The following SDC4 variants were observed in gnomAD, a reference collection of about 807,000 sequenced individuals.
The protein encoded by SDC4 is syndecan 4.
In SDC4, 17 loss-of-function variants were observed where a neutral mutation model predicts 20.5. That is an observed-to-expected ratio of 0.83 (90% CI 0.57 to 1.25). SDC4 has a LOEUF of 1.25. Ranked by LOEUF, SDC4 falls within the 50% of genes most tolerant of loss-of-function variation. The pLI is 0.00. For missense variants in SDC4, 241 were observed against 252.3 expected, an observed-to-expected ratio of 0.96 and a Z score of 0.30; for synonymous variants, 107 against 105.3, an observed-to-expected ratio of 1.02 and a Z score of -0.10.
intron 1 of SDC4, among the ~76,000 whole-genome samples, chr20:45,342,175 CAGAGT>C (rs771732598): frequency 2.6e-5 from 4 of 152,174 alleles, no homozygotes; most frequent in Admixed American, 1.3e-4. Flanking sequence ...GTTCTCAGAG[CAGAGT>C]AGAGAGCCCA....
chr20:45,334,866 T>TC (rs1200210571), intron 2 of SDC4, among the ~76,000 whole-genome samples: 1 of 152,164 alleles, frequency 6.6e-6, no homozygotes, highest in Non-Finnish European at 1.5e-5. Flanking sequence ...GTCAGTTCAG[T>TC]CCCCACAACA....
chr20:45,339,153 C>T (rs1987918262), intron 1 of SDC4, among the ~76,000 whole-genome samples: 1 of 152,244 alleles, frequency 6.6e-6, no homozygotes, highest in Non-Finnish European at 1.5e-5. Flanking sequence ...TGGGCAATCA[C>T]TCTTTTTTGT....
chr20:45,336,062 T>C, intron 1 of SDC4, 142 bp from the exon 2 acceptor site: 1 of 751,536 alleles, frequency 1.3e-6, no homozygotes, highest in Non-Finnish European at 2.1e-6. Context: ...GATCCCACTC[T>C]ACCTCTAACT....
chr20:45,333,093 G>C, intron 2 of SDC4, 24 bp from the exon 3 acceptor site: 1 of 1,612,944 alleles, frequency 6.2e-7, no homozygotes, highest in Non-Finnish European at 8.5e-7. Flanking sequence ...ATAGCTGTGT[G>C]AGTGAGGTCC....
rs148223620 is a variant in SDC4, at chr20:45,328,644, G to A, written c.446-1229C>T. 2.6e-5 allele frequency among the ~76,000 whole-genome samples: 4 copies of A among 152,216 alleles called. No homozygotes were observed. The East Asian group carries it at 7.7e-4, about 29-fold the overall frequency. On this transcript the variant is annotated intron_variant, in intron 4 of 4. Transcript: ENST00000372733. ...ACTCATTCCTGTTTGCTAGGGGCAG[G>A]GATGCTTCATAGAATCCCTTCTGTG...
intron 1 of SDC4, among the ~76,000 whole-genome samples, chr20:45,339,368 C>T (rs2741460): frequency 6.6e-6 from 1 of 152,234 alleles, no homozygotes; most frequent in Non-Finnish European, 1.5e-5. Context: ...CATGTGTGTT[C>T]GTGTGTATAC....
chr20:45,327,444 G>A (rs947684994), intron 4 of SDC4, 29 bp from the exon 5 acceptor site: 1 of 1,604,522 alleles, frequency 6.2e-7, no homozygotes, highest in African/African-American at 1.3e-5. Context: ...AAGAGGCGGG[G>A]GTGAGAGCTC....
intron 1 of SDC4, among the ~76,000 whole-genome samples, chr20:45,339,241 C>G (rs1987920035): frequency 6.6e-6 from 1 of 152,216 alleles, no homozygotes; most frequent in African/African-American, 2.4e-5. Flanking sequence ...TCTGGGGTGA[C>G]TTTGAAGAAC....
At position 45,329,105 on chromosome 20, in the gene SDC4, A is replaced by C. The variant is rs569927338; in HGVS notation, c.445+1261T>G. ...GGACTCAATCAGGGGCACAGGAATC[A>C]TACAGCATACAGCAAGCATTTAATA... On this transcript the variant is annotated intron_variant, in intron 4 of 4. Transcript: ENST00000372733. Among the ~76,000 whole-genome samples the C allele has an allele frequency of 3.3e-5, 5 of 152,366 alleles. No homozygotes were observed. In the South Asian group the frequency reaches 1.0e-3, roughly 32 times the overall value.
At chr20:45,339,931 G>C (rs1987931043) in intron 1 of SDC4, among the ~76,000 whole-genome samples, 1 of 152,168 alleles carries the variant, frequency 6.6e-6, no homozygotes, top group East Asian at 1.9e-4. Flanking sequence ...GAAGGTATCT[G>C]ATTTTATAAC....
rs562451678 is a variant in SDC4, at chr20:45,333,562, G to A, written c.200-493C>T. On this transcript the variant is annotated intron_variant, in intron 2 of 4. Coordinates refer to ENST00000372733, the MANE Select transcript of SDC4 (RefSeq NM_002999.4). ...CACGCGCCTGTAATCCCAGCTACTT[G>A]GGAGGCTGAGGCAGGAGAATCACTT... 1.8e-4 allele frequency among the ~76,000 whole-genome samples: 27 copies of A among 152,298 alleles called. 1 individual carries two copies. In the East Asian group the frequency reaches 5.2e-3, roughly 29 times the overall value.
chr20:45,332,876 C>T (rs1433619968), intron 3 of SDC4, 147 bp downstream of exon 3: 10 of 731,258 alleles, frequency 1.4e-5, no homozygotes, highest in Non-Finnish European at 1.8e-5. Flanking sequence ...CATGCCCACC[C>T]CAGGGCCAGA....
At chr20:45,338,062 G>A (rs1368608374) in intron 1 of SDC4, among the ~76,000 whole-genome samples, 1 of 152,202 alleles carries the variant, frequency 6.6e-6, no homozygotes, top group Non-Finnish European at 1.5e-5. Flanking sequence ...TAAGGGCAGG[G>A]TCCCTGTGCT....
chr20:45,337,092 A>T (rs942243161), intron 1 of SDC4, among the ~76,000 whole-genome samples: 4 of 152,156 alleles, frequency 2.6e-5, no homozygotes, highest in Non-Finnish European at 5.9e-5. Context: ...GGGCAGCCCT[A>T]CAGTACATCA....
intron 1 of SDC4, among the ~76,000 whole-genome samples, chr20:45,341,617 G>C (rs912793661): frequency 2.0e-5 from 3 of 152,178 alleles, no homozygotes; most frequent in Non-Finnish European, 4.4e-5. Context: ...CTGGTGCTCT[G>C]GTGCCTGAAT....
chr20:45,345,979 C>T (rs1284142893), intron 1 of SDC4, among the ~76,000 whole-genome samples: 3 of 152,118 alleles, frequency 2.0e-5, no homozygotes, highest in African/African-American at 7.2e-5. Flanking sequence ...TCCTGGGGTC[C>T]TGGATGCCCT....
chr20:45,333,505 C>A (rs1192920310), intron 2 of SDC4, among the ~76,000 whole-genome samples: 1 of 152,156 alleles, frequency 6.6e-6, no homozygotes, highest in African/African-American at 2.4e-5. Context: ...CCCGTCTCTG[C>A]TGAAAATACA....
In SDC4 at chr20:45,327,197, G is replaced by A. The variant is rs902594096; in HGVS notation, c.*67C>T. The A allele has an allele frequency of 6.3e-7, 1 of 1,577,462 alleles. No homozygotes were observed. The highest frequency in any genetic ancestry group is 8.7e-7 in the Non-Finnish European group (1 of 1,150,118). On this transcript the variant is annotated 3_prime_UTR_variant, in exon 5 of 5. Transcript: ENST00000372733. ...TAGGTTGACCTCACCCTACCCTAAT[G>A]TCCACCCTTCAAAATCCCCTGGCTT...
rs536343800 is a variant in SDC4, at chr20:45,334,317, A to T, written c.200-1248T>A. On this transcript the variant is annotated intron_variant, in intron 2 of 4. Coordinates refer to ENST00000372733, the MANE Select transcript of SDC4 (RefSeq NM_002999.4). ...CGGCCAAAATCTACATTTTAACAAG[A>T]TCCCCAGGGAATTAACTTTTGAGAA... is the stretch of plus-strand genomic sequence containing the variant. 3.3e-5 allele frequency among the ~76,000 whole-genome samples: 5 copies of T among 151,904 alleles called. No homozygotes were observed. In the East Asian group the frequency reaches 9.7e-4, roughly 29 times the overall value.
Sources: gnomAD v4.1 joint callset for allele counts (sites outside exome capture counted in the v4.1 genomes callset) on GRCh38, gnomAD v4.1.1 for gene constraint, MANE v1.5 for transcripts, NCBI Gene and HGNC (gene_info 2026-07-23, HGNC 2026-07-21) for gene names.